POTEI: variants seen among roughly 807,000 people sequenced by gnomAD.
POTEI encodes POTE ankyrin domain family, member I.
Under a neutral mutation model 43.4 loss-of-function variants are expected in POTEI, and 14 were observed. The ratio of observed to expected loss-of-function variants is 0.32; its 90% CI spans 0.21 to 0.50. The LOEUF is 0.50. Among genes scored for constraint, POTEI ranks in the 20% least tolerant of loss-of-function variants. The pLI is 0.98. For synonymous variants in POTEI, 95 were observed against 297.9 expected, an observed-to-expected ratio of 0.32 and a Z score of 7.01; for missense variants, 235 against 795.4, an observed-to-expected ratio of 0.30 and a Z score of 8.47.
intron 6 of POTEI, among the ~76,000 whole-genome samples, chr2:130,491,710 T>C (rs1401817764): frequency 1.0e-5 from 1 of 96,172 alleles, no homozygotes; most frequent in East Asian, 3.4e-4. Context: ...TGGAGTGCAG[T>C]GGCGCAATCT....
intron 13 of POTEI, among the ~76,000 whole-genome samples, chr2:130,468,865 C>T (rs1176707697): frequency 6.6e-6 from 1 of 152,010 alleles, no homozygotes; most frequent in Non-Finnish European, 1.5e-5. Context: ...GCTAGATTTG[C>T]CAGCAGAAAA....
Position 130,480,548 on chromosome 2 carries a change from ATTC to A in POTEI, c.1480+1452_1480+1454del, listed in dbSNP as rs1412776635. Among the ~76,000 whole-genome samples the A allele has an allele frequency of 1.4e-5, 2 of 141,398 alleles. 1 individual carries two copies. The highest frequency in any genetic ancestry group is 3.1e-5 in the Non-Finnish European group (2 of 65,120). The allele number at this position is 141,398 out of a possible 152,430, so 92.8% of individuals were successfully genotyped here. A position where few individuals can be genotyped will look rare whatever the true frequency, so the allele number is the denominator to read the frequency against. ...CTCCATGTTCCTTCTGCCAAATGTC[ATTC>A]TTCTGCTTCTTTCCCTGAAAAATTC... On this transcript the variant is annotated intron_variant, in intron 10 of 14. Coordinates refer to ENST00000451531, the MANE Select transcript of POTEI (RefSeq NM_001277406.2).
intron 11 of POTEI, among the ~76,000 whole-genome samples, chr2:130,475,948 A>G (rs1242206031): frequency 6.1e-4 from 7 of 11,408 alleles, no homozygotes; most frequent in Admixed American, 1.3e-3. Context: ...TTTCTTTATC[A>G]TGTTAGGGTG....
chr2:130,498,071 C>A (rs1299634392), intron 5 of POTEI, among the ~76,000 whole-genome samples: 2 of 123,664 alleles, frequency 1.6e-5, no homozygotes, highest in East Asian at 2.4e-4. Context: ...CAGCTGGGAG[C>A]CACTGCTCAG....
intron 13 of POTEI, among the ~76,000 whole-genome samples, chr2:130,467,562 C>G (rs1209228750): frequency 2.3e-4 from 33 of 142,282 alleles, no homozygotes; most frequent in African/African-American, 7.6e-4. Flanking sequence ...TTGGCCTAGG[C>G]AAAGGATTTA....
At chr2:130,468,096 A>G (rs868270576) in intron 13 of POTEI, among the ~76,000 whole-genome samples, 677 of 113,264 alleles carry the variant, frequency 6.0e-3, no homozygotes, top group African/African-American at 0.025. Flanking sequence ...ATTTTATCCA[A>G]CATTCTCATT....
chr2:130,483,818 T>C (rs1683486460), intron 9 of POTEI, among the ~76,000 whole-genome samples: 1 of 150,428 alleles, frequency 6.6e-6, no homozygotes, highest in African/African-American at 2.5e-5. Context: ...CCTGACCTCG[T>C]GATCCGCCTG....
chr2:130,482,604 C>T (rs1234181666), intron 9 of POTEI, among the ~76,000 whole-genome samples: 3 of 150,346 alleles, frequency 2.0e-5, no homozygotes, highest in Non-Finnish European at 4.4e-5. Context: ...TTCATAGGTT[C>T]TAATATGCAA....
intron 9 of POTEI, among the ~76,000 whole-genome samples, chr2:130,482,676 T>C (rs1683433998): frequency 6.7e-6 from 1 of 149,954 alleles, no homozygotes; most frequent in African/African-American, 2.5e-5. Context: ...GTCCTACTCT[T>C]TATGGCTTCT....
chr2:130,480,107 G>T (rs373794434), intron 10 of POTEI, among the ~76,000 whole-genome samples: 44 of 43,722 alleles, frequency 1.0e-3, no homozygotes, highest in African/African-American at 3.2e-3. Context: ...GAGCTGCTGC[G>T]GATTAGCCAA....
Position 130,477,182 on chromosome 2 carries a change from G to T in POTEI, c.1481-481C>A, listed in dbSNP as rs1464613398. Among the ~76,000 whole-genome samples the T allele has an allele frequency of 6.0e-5, 9 of 148,952 alleles. 1 individual carries two copies. The highest frequency in any genetic ancestry group is 6.9e-3 in the Middle Eastern group (2 of 290). On this transcript the variant is annotated intron_variant, in intron 10 of 14. Transcript: ENST00000451531. ...TTCTTTTTTTTTTTTTATGAACCAG[G>T]GTCTTCCTCTGTCACCAGGCTGGAA...
rs1320484787 is a variant in POTEI at position 130,507,872 on chromosome 2, C to CTTT, written c.521+840_521+842dup. On this transcript the variant is annotated intron_variant, in intron 1 of 14. Coordinates refer to ENST00000451531, the MANE Select transcript of POTEI (RefSeq NM_001277406.2). The stretch of plus-strand genomic sequence containing the variant: ...AGTGATAAATAGAAAAAGCTCACAT[C>CTTT]TTTTTTTTTTTTTTTTTTTTTGAGA... Among the ~76,000 whole-genome samples, 5 of 1,514 alleles carry CTTT rather than the reference C, an allele frequency of 3.3e-3. 2 individuals are homozygous for CTTT. The highest frequency in any genetic ancestry group is 4.0e-3 in the African/African-American group (5 of 1,248). 1.0% of individuals were successfully genotyped at this position (1,514 alleles called of 152,430 possible). A position where few individuals can be genotyped will look rare whatever the true frequency, so the allele number is the denominator to read the frequency against.
At chr2:130,471,305 A>G (rs1467333755) in intron 13 of POTEI, among the ~76,000 whole-genome samples, 1 of 11,236 alleles carries the variant, frequency 8.9e-5, no homozygotes, top group African/African-American at 9.6e-5. Context: ...ATTAGATGTG[A>G]AGTGTCAGGA....
At chr2:130,493,185 T>G (rs1429804359) in intron 6 of POTEI, among the ~76,000 whole-genome samples, 2 of 62,380 alleles carry the variant, frequency 3.2e-5, no homozygotes, top group Non-Finnish European at 7.0e-5. Flanking sequence ...GAATTTGCTG[T>G]GCTGCCTTCA....
chr2:130,477,281 G>C (rs1332492605), intron 10 of POTEI, among the ~76,000 whole-genome samples: 2 of 146,304 alleles, frequency 1.4e-5, no homozygotes, highest in African/African-American at 5.1e-5. Flanking sequence ...AGTCTCCTGA[G>C]TAACTGTGAT....
At chr2:130,467,736 A>T (rs1171365986) in intron 13 of POTEI, among the ~76,000 whole-genome samples, 3 of 152,050 alleles carry the variant, frequency 2.0e-5, no homozygotes, top group African/African-American at 7.2e-5. Flanking sequence ...TAATATCTAT[A>T]ACCTACAAGA....
intron 9 of POTEI, among the ~76,000 whole-genome samples, chr2:130,487,798 AAAG>A (rs1683622448): frequency 1.5e-5 from 1 of 67,274 alleles, no homozygotes; most frequent in Non-Finnish European, 3.1e-5. Flanking sequence ...AGTTCACTAA[AAAG>A]AAAAGAAAAT....
At chr2:130,476,882 C>G (rs2579478) in intron 10 of POTEI, among the ~76,000 whole-genome samples, 181 bp from the exon 11 acceptor site, 1,548 of 115,014 alleles carry the variant, frequency 0.013, 23 homozygotes, top group African/African-American at 0.053. Context: ...TGGGGAGATA[C>G]CAGATGTCAC....
chr2:130,495,305 G>C (rs199796049), intron 6 of POTEI, among the ~76,000 whole-genome samples: 1 of 46,762 alleles, frequency 2.1e-5, no homozygotes, highest in Non-Finnish European at 5.4e-5. Context: ...GCAATGATAA[G>C]AAAAAGCTCC....
Sources: gnomAD v4.1 joint callset for allele counts (sites outside exome capture counted in the v4.1 genomes callset) on GRCh38, gnomAD v4.1.1 for gene constraint, MANE v1.5 for transcripts, NCBI Gene and HGNC (gene_info 2026-07-23, HGNC 2026-07-21) for gene names.